PRKG1: variants seen among roughly 807,000 people sequenced by gnomAD.
PRKG1 encodes the protein cGMP-dependent protein kinase 1.
Under a neutral mutation model 88.1 loss-of-function variants are expected in PRKG1, and 35 were observed. The observed-to-expected ratio is 0.40, with a 90% CI of 0.30 to 0.53. The LOEUF is 0.53. PRKG1 is among the 20% of genes least tolerant of loss of function. The pLI is 0.59. For synonymous variants in PRKG1, 303 were observed against 292.5 expected (o/e 1.04, Z -0.37); for missense variants, 540 against 839.8 (o/e 0.64, Z 4.41).
chr10:51,293,748 A>T (rs1840644259), intron 2 of PRKG1, among the ~76,000 whole-genome samples: 1 of 152,092 alleles, frequency 6.6e-6, no homozygotes, highest in Non-Finnish European at 1.5e-5. Flanking sequence ...TAGAAGTGGG[A>T]TTGCTGAATC....
chr10:51,549,568 T>C (rs889323123), intron 3 of PRKG1, among the ~76,000 whole-genome samples: 4 of 152,154 alleles, frequency 2.6e-5, no homozygotes, highest in African/African-American at 9.6e-5. Context: ...AATGGTAGAT[T>C]ACAATGTCCT....
intron 9 of PRKG1, among the ~76,000 whole-genome samples, chr10:52,244,061 T>A (rs1263790241): frequency 1.3e-5 from 2 of 152,116 alleles, no homozygotes; most frequent in Non-Finnish European, 2.9e-5. Context: ...TTCAGATTCA[T>A]TAAATTACTT....
chr10:51,267,516 A>G (rs1269054045), intron 2 of PRKG1, among the ~76,000 whole-genome samples: 1 of 152,168 alleles, frequency 6.6e-6, no homozygotes, highest in African/African-American at 2.4e-5. Flanking sequence ...TCTATCAGAT[A>G]ATTTCATATA....
chr10:51,604,307 C>G (rs1008798507), intron 3 of PRKG1, among the ~76,000 whole-genome samples: 1 of 152,142 alleles, frequency 6.6e-6, no homozygotes, highest in Admixed American at 6.5e-5. Context: ...CTGATTCTTT[C>G]ATACAGAGGG....
At chr10:51,968,482 T>C (rs1451263800) in intron 5 of PRKG1, among the ~76,000 whole-genome samples, 2 of 152,060 alleles carry the variant, frequency 1.3e-5, no homozygotes, top group Non-Finnish European at 2.9e-5. Flanking sequence ...ATACATTCAA[T>C]TCCTGTGTGT....
intron 9 of PRKG1, among the ~76,000 whole-genome samples, chr10:52,220,452 C>A (rs1699304): frequency 0.24 from 36,927 of 151,680 alleles, 4,905 homozygotes; most frequent in Non-Finnish European, 0.29. Context: ...GGTGCATGTG[C>A]AGATTTGTAT....
Position 51,270,279 on chromosome 10 carries a change from T to C in PRKG1, c.478+116949T>C, listed in dbSNP as rs941107289. Among the ~76,000 whole-genome samples, 3 of 152,344 alleles carry C rather than the reference T, an allele frequency of 2.0e-5. No individual in the cohort carries two copies. In the East Asian group the frequency reaches 5.8e-4, roughly 29 times the overall value. ...TGGCTAAAATATTGATTTGTTAGCC[T>C]ATTTAATGGCAAAATTAATGCACTG... On this transcript the variant is annotated intron_variant, in intron 2 of 17. Transcript: ENST00000373980.
intron 2 of PRKG1, among the ~76,000 whole-genome samples, chr10:51,228,726 T>C (rs1838759161): frequency 6.6e-6 from 1 of 152,198 alleles, no homozygotes; most frequent in African/African-American, 2.4e-5. Context: ...TGAAGAGTTT[T>C]GCTTTAGGAA....
intron 3 of PRKG1, among the ~76,000 whole-genome samples, chr10:51,561,244 C>A (rs765555389): frequency 6.6e-6 from 1 of 151,940 alleles, no homozygotes; most frequent in Non-Finnish European, 1.5e-5. Flanking sequence ...GCAAGAGAAT[C>A]ATGTGAGCCT....
At chr10:52,146,856 G>A (rs899608930) in intron 8 of PRKG1, among the ~76,000 whole-genome samples, 6 of 152,120 alleles carry the variant, frequency 3.9e-5, no homozygotes, top group African/African-American at 4.8e-5. Flanking sequence ...TCATTATACA[G>A]TTTACTCTCC....
At chr10:51,023,183 C>T (rs556663541) in intron 1 of PRKG1, among the ~76,000 whole-genome samples, 1 of 152,264 alleles carries the variant, frequency 6.6e-6, no homozygotes, top group East Asian at 1.9e-4. Context: ...ATTCTCTTGT[C>T]CTTAGCTTCA....
In PRKG1 at chr10:52,022,253, A is replaced by G. The variant is rs536887467; in HGVS notation, c.763-32231A>G. Among the ~76,000 whole-genome samples the G allele has an allele frequency of 2.0e-5, 3 of 152,318 alleles. No individual in the cohort carries two copies. In the South Asian group the frequency reaches 6.2e-4, roughly 32 times the overall value. ...TTATGATGCTTGGTAGGTTAGGTGT[A>G]TTAAATACATTTTGACTTACTCAAT... On this transcript the variant is annotated intron_variant, in intron 5 of 17. Coordinates refer to ENST00000373980, the MANE Select transcript of PRKG1 (RefSeq NM_006258.4).
intron 3 of PRKG1, among the ~76,000 whole-genome samples, chr10:51,727,274 C>T (rs1420604877): frequency 1.4e-5 from 2 of 141,456 alleles, no homozygotes; most frequent in African/African-American, 2.7e-5. Flanking sequence ...GACCCCATTG[C>T]AAAAAAAAAA....
At chr10:51,754,110 C>T (rs1837796768) in intron 3 of PRKG1, among the ~76,000 whole-genome samples, 1 of 152,076 alleles carries the variant, frequency 6.6e-6, no homozygotes, top group African/African-American at 2.4e-5. Context: ...TGACTTTTCT[C>T]TGGATTTAGC....
At chr10:51,947,122 C>G (rs910702299) in intron 5 of PRKG1, among the ~76,000 whole-genome samples, 2 of 152,068 alleles carry the variant, frequency 1.3e-5, no homozygotes, top group Non-Finnish European at 2.9e-5. Context: ...CCACCCAGTT[C>G]GAGCTTCCCA....
At chr10:51,864,088 T>G (rs1840955296) in intron 4 of PRKG1, among the ~76,000 whole-genome samples, 1 of 152,186 alleles carries the variant, frequency 6.6e-6, no homozygotes, top group African/African-American at 2.4e-5. Flanking sequence ...TTGAACATGA[T>G]TCCTTGGACA....
At chr10:52,096,197 G>A (rs1217768890) in intron 7 of PRKG1, among the ~76,000 whole-genome samples, 1 of 152,124 alleles carries the variant, frequency 6.6e-6, no homozygotes, top group Admixed American at 6.6e-5. Context: ...TTAAACAAAG[G>A]TCTCAGACTG....
rs1275864367 is a variant in PRKG1, at chr10:50,991,987, C to T, written c.266+343C>T. 2.0e-5 allele frequency among the ~76,000 whole-genome samples: 3 copies of T among 152,006 alleles called. No homozygotes were observed. The highest frequency in any genetic ancestry group is 4.4e-5 in the Non-Finnish European group (3 of 67,982). On this transcript the variant is annotated intron_variant, in intron 1 of 17. Coordinates refer to the PRKG1 transcript ENST00000401604. This position sits in a 1 kb window ranked among gnomAD's most constrained non-coding sequence, Gnocchi z 4.5. Reference sequence around the variant, plus strand: ...AGTCGCGCGGCTGTCCTTCGTGCGCCCCGCTGGGAGCGTCCACGCAGGGAC... The same window carrying T: ...AGTCGCGCGGCTGTCCTTCGTGCGCTCCGCTGGGAGCGTCCACGCAGGGAC...
chr10:51,220,133 A>G (rs1362213002), intron 2 of PRKG1, among the ~76,000 whole-genome samples: 1 of 152,208 alleles, frequency 6.6e-6, no homozygotes, highest in Non-Finnish European at 1.5e-5. Context: ...TTCAGGGAAC[A>G]ATACAAGAAG....
Sources: gnomAD v4.1 joint callset for allele counts (sites outside exome capture counted in the v4.1 genomes callset) on GRCh38, gnomAD v4.1.1 for gene constraint, Gnocchi (gnomAD v3.1) non-coding constraint, MANE v1.5 for transcripts, NCBI Gene and HGNC (gene_info 2026-07-23, HGNC 2026-07-21) for gene names.